The following PCDH11X variants were observed in gnomAD, a reference collection of about 807,000 sequenced individuals.
PCDH11X encodes the protein protocadherin 11 X-linked, also known as protocadherin-11 X-linked.
Under a neutral mutation model 53.3 loss-of-function variants are expected in PCDH11X, and 18 were observed. The observed-to-expected ratio is 0.34, with a 90% CI of 0.23 to 0.50. PCDH11X has a LOEUF of 0.50. Ranked by LOEUF, PCDH11X falls within the 20% of genes least tolerant of loss-of-function variation. The probability of loss-of-function intolerance (pLI) is 0.98; values close to 1 mark genes in which losing one functional copy is unlikely to be tolerated. For missense variants in PCDH11X, 570 were observed against 1,032.4 expected (o/e 0.55, Z 6.14); for synonymous variants, 279 against 393.3 (o/e 0.71, Z 3.44).
chrX:91,935,664 C>G (rs112236503), intron 6 of PCDH11X, among the ~76,000 whole-genome samples: 1,847 of 109,540 alleles, frequency 0.017, 35 homozygotes, highest in African/African-American at 0.057. Flanking sequence ...GAGGTTAAGG[C>G]GGCCCCAATG....
At chrX:92,270,427 A>G (rs768632839) in intron 8 of PCDH11X, among the ~76,000 whole-genome samples, 1 of 111,925 alleles carries the variant, frequency 8.9e-6, no homozygotes, top group Non-Finnish European at 1.9e-5. Context: ...GTCCAGCCAA[A>G]CCACAGGATG....
At chrX:92,431,573 G>T (rs988399743) in intron 9 of PCDH11X, among the ~76,000 whole-genome samples, 5 of 110,177 alleles carry the variant, frequency 4.5e-5, no homozygotes, top group African/African-American at 1.6e-4. Context: ...AGGGAGAAAT[G>T]GGAGTATTTC....
At chrX:92,110,255 G>A (rs1266461410) in intron 6 of PCDH11X, among the ~76,000 whole-genome samples, 1 of 110,274 alleles carries the variant, frequency 9.1e-6, no homozygotes, top group African/African-American at 3.3e-5. Flanking sequence ...TAAATCTTAG[G>A]CTCTTACAAA....
At chrX:92,104,627 T>C (rs1254786347) in intron 6 of PCDH11X, among the ~76,000 whole-genome samples, 1 of 110,351 alleles carries the variant, frequency 9.1e-6, no homozygotes, top group Non-Finnish European at 1.9e-5. Flanking sequence ...CAGGTGAGAA[T>C]TGAAGAGGTT....
At chrX:91,985,768 G>T (rs1464168801) in intron 6 of PCDH11X, among the ~76,000 whole-genome samples, 4 of 111,872 alleles carry the variant, frequency 3.6e-5, no homozygotes, top group African/African-American at 1.3e-4. Flanking sequence ...GAAAGGGTAT[G>T]CTTTATAAAA....
At chrX:92,214,795 T>A (rs1488399020) in intron 7 of PCDH11X, among the ~76,000 whole-genome samples, 1 of 111,588 alleles carries the variant, frequency 9.0e-6, no homozygotes, top group Non-Finnish European at 1.9e-5. Context: ...ACACCTGTAA[T>A]CTCAGCAATT....
intron 10 of PCDH11X, among the ~76,000 whole-genome samples, chrX:92,560,356 G>T (rs1042620126): frequency 4.5e-5 from 5 of 112,224 alleles, no homozygotes; most frequent in African/African-American, 1.6e-4. Context: ...CTGGCTTCGG[G>T]TGTGACCCAG....
At position 91,948,819 on chromosome X, in the gene PCDH11X, C is replaced by T. The variant is rs554635228; in HGVS notation, c.3033+69546C>T. Among the ~76,000 whole-genome samples the T allele has an allele frequency of 1.4e-3, 153 of 110,020 alleles. 3 individuals carry two copies. The South Asian group carries it at 0.059, about 42-fold the overall frequency. On this transcript the variant is annotated intron_variant, in intron 6 of 10. Transcript: ENST00000682573. Reference sequence around the variant, plus strand: ...AATATTACTAAGAGGAAACATCAGGCGTAAGGAGGATTCCTGCTATGCCAA... The same window carrying T: ...AATATTACTAAGAGGAAACATCAGGTGTAAGGAGGATTCCTGCTATGCCAA...
intron 10 of PCDH11X, among the ~76,000 whole-genome samples, chrX:92,502,454 A>G (rs1296895220): frequency 7.3e-5 from 8 of 109,414 alleles, no homozygotes; most frequent in Non-Finnish European, 1.5e-4. Flanking sequence ...GAGGCATCAC[A>G]CTACCTAACT....
chrX:91,996,140 CTT>C (rs753881311), intron 6 of PCDH11X, among the ~76,000 whole-genome samples: 2 of 66,604 alleles, frequency 3.0e-5, no homozygotes, highest in Admixed American at 3.4e-4. Context: ...CACGCCTGGC[CTT>C]TTTTTTTTTT....
chrX:92,299,939 T>C (rs1425377566), intron 8 of PCDH11X, among the ~76,000 whole-genome samples: 1 of 105,305 alleles, frequency 9.5e-6, no homozygotes, highest in African/African-American at 3.5e-5. Context: ...GATGTGGGTG[T>C]TTAGTGCTAT....
chrX:91,935,588 CA>C (rs1356850929), intron 6 of PCDH11X, among the ~76,000 whole-genome samples: 2 of 106,722 alleles, frequency 1.9e-5, no homozygotes, highest in African/African-American at 6.8e-5. Flanking sequence ...TTTAGAGAAA[CA>C]GAAGTTTTGT....
chrX:92,089,654 CTGG>C (rs2064016494), intron 6 of PCDH11X, among the ~76,000 whole-genome samples: 1 of 105,371 alleles, frequency 9.5e-6, no homozygotes, highest in African/African-American at 3.4e-5. Flanking sequence ...TCCCAAGTAG[CTGG>C]GATTACAGGC....
intron 6 of PCDH11X, among the ~76,000 whole-genome samples, chrX:91,904,807 A>G (rs1334957618): frequency 9.1e-6 from 1 of 110,285 alleles, no homozygotes; most frequent in Non-Finnish European, 1.9e-5. Flanking sequence ...TAAACAAACT[A>G]TAATGAACCT....
intron 6 of PCDH11X, among the ~76,000 whole-genome samples, chrX:92,091,795 CAGAT>C (rs752462555): frequency 1.2e-4 from 13 of 111,242 alleles, no homozygotes; most frequent in South Asian, 7.6e-4. Flanking sequence ...AGGAAGCTCT[CAGAT>C]AGCCAACTTC....
intron 6 of PCDH11X, among the ~76,000 whole-genome samples, chrX:92,177,815 G>T (rs1389921557): frequency 9.1e-6 from 1 of 110,351 alleles, no homozygotes; most frequent in African/African-American, 3.3e-5. Flanking sequence ...TATACTATAT[G>T]TACACAATTA....
intron 9 of PCDH11X, among the ~76,000 whole-genome samples, chrX:92,402,488 A>G: frequency 9.0e-6 from 1 of 111,501 alleles, no homozygotes; most frequent in Admixed American, 9.6e-5. Flanking sequence ...CCACACACAT[A>G]CAATCATCTG....
chrX:92,217,464 A>C (rs753753241), intron 7 of PCDH11X, among the ~76,000 whole-genome samples: 152 of 98,756 alleles, frequency 1.5e-3, no homozygotes, highest in African/African-American at 4.6e-3. Flanking sequence ...GAAGGCCATT[A>C]CATAATGGTA....
chrX:92,003,693 T>C (rs991673074), intron 6 of PCDH11X, among the ~76,000 whole-genome samples: 1 of 100,335 alleles, frequency 1.0e-5, no homozygotes, highest in Non-Finnish European at 2.0e-5. Flanking sequence ...TTGCTCATAG[T>C]AGTCACTAAC....
Sources: gnomAD v4.1 joint callset for allele counts (sites outside exome capture counted in the v4.1 genomes callset) on GRCh38, gnomAD v4.1.1 for gene constraint, MANE v1.5 for transcripts, NCBI Gene and HGNC (gene_info 2026-07-23, HGNC 2026-07-21) for gene names.